Variants in WASF1 observed in about 807,000 individuals in gnomAD.
The protein encoded by WASF1 is WASP family member 1.
Under a neutral mutation model 50.5 loss-of-function variants are expected in WASF1, and 7 were observed. That is an observed-to-expected ratio of 0.14 (90% CI 0.08 to 0.26). The LOEUF (loss-of-function observed/expected upper bound fraction) is 0.26, where lower values mean the gene tolerates loss of function less well. Ranked by LOEUF, WASF1 falls within the 10% of genes least tolerant of loss-of-function variation. WASF1 has a pLI of 1.00. For synonymous variants in WASF1, 205 were observed against 244.0 expected, an observed-to-expected ratio of 0.84 and a Z score of 1.49; for missense variants, 470 against 694.7, an observed-to-expected ratio of 0.68 and a Z score of 3.64.
chr6:110,137,732 T>C (rs1306428638), intron 3 of WASF1, among the ~76,000 whole-genome samples: 1 of 152,134 alleles, frequency 6.6e-6, no homozygotes, highest in Non-Finnish European at 1.5e-5. Flanking sequence ...TGTCATAAGA[T>C]GGAATGTTAA....
chr6:110,112,763 G>A (rs1483699330), intron 5 of WASF1, among the ~76,000 whole-genome samples: 3 of 151,982 alleles, frequency 2.0e-5, no homozygotes, highest in African/African-American at 7.2e-5. Flanking sequence ...AGCCAGGCGT[G>A]GTGGCAGACA....
intron 3 of WASF1, among the ~76,000 whole-genome samples, chr6:110,139,278 G>A (rs1190273105): frequency 6.6e-6 from 1 of 152,216 alleles, no homozygotes; most frequent in Non-Finnish European, 1.5e-5. Flanking sequence ...CAAGAGCACG[G>A]GGATGGCCAG....
intron 3 of WASF1, among the ~76,000 whole-genome samples, chr6:110,139,859 A>C (rs78686449): frequency 0.066 from 9,964 of 150,334 alleles, 403 homozygotes; most frequent in African/African-American, 0.12. Flanking sequence ...GGATAACCCA[A>C]TAACTAATAA....
At chr6:110,158,297 G>C (rs1411831828) in intron 3 of WASF1, among the ~76,000 whole-genome samples, 1 of 81,126 alleles carries the variant, frequency 1.2e-5, no homozygotes, top group Non-Finnish European at 2.4e-5. Context: ...GAGTGTATGT[G>C]TCGAGGAATG....
chr6:110,137,116 A>G (rs754027274), intron 3 of WASF1, among the ~76,000 whole-genome samples: 1 of 152,164 alleles, frequency 6.6e-6, no homozygotes, highest in African/African-American at 2.4e-5. Flanking sequence ...AATAACTCAA[A>G]ATTTCTTAAT....
At chr6:110,177,351 G>A (rs1180779957) in intron 2 of WASF1, among the ~76,000 whole-genome samples, 3 of 151,812 alleles carry the variant, frequency 2.0e-5, no homozygotes, top group African/African-American at 7.3e-5. Flanking sequence ...TAACCTTTAT[G>A]TCTGCAATTA....
chr6:110,126,799 CT>C (rs1389033198), intron 4 of WASF1, among the ~76,000 whole-genome samples: 1 of 152,204 alleles, frequency 6.6e-6, no homozygotes, highest in Non-Finnish European at 1.5e-5. Flanking sequence ...CCAAGTTGCT[CT>C]ATTCTGTAAA....
intron 9 of WASF1, among the ~76,000 whole-genome samples, chr6:110,102,786 T>C (rs902484843): frequency 2.6e-5 from 4 of 151,960 alleles, no homozygotes; most frequent in African/African-American, 9.7e-5. Flanking sequence ...ATATCTCTAT[T>C]AGAAAATTTC....
At chr6:110,175,693 C>T (rs1177535900) in intron 2 of WASF1, among the ~76,000 whole-genome samples, 4 of 152,106 alleles carry the variant, frequency 2.6e-5, no homozygotes, top group African/African-American at 9.7e-5. Context: ...TTGTCATGCC[C>T]TAACTTCTTG....
At chr6:110,166,976 G>A (rs1398487190) in intron 2 of WASF1, among the ~76,000 whole-genome samples, 9 of 151,900 alleles carry the variant, frequency 5.9e-5, no homozygotes. Flanking sequence ...TGGAGTTGCA[G>A]TCATGAGTTT....
intron 3 of WASF1, among the ~76,000 whole-genome samples, chr6:110,158,523 A>AT (rs1190586112): frequency 7.6e-6 from 1 of 130,738 alleles, no homozygotes; most frequent in Non-Finnish European, 1.6e-5. Flanking sequence ...GGATTCATTG[A>AT]TTTTTTGAAG....
In WASF1 at chr6:110,113,599, T is replaced by C. The variant is rs1773666062; in HGVS notation, c.134-139A>G. On this transcript the variant is annotated intron_variant, in intron 4 of 10. Transcript: ENST00000392589. Reference sequence around the variant, plus strand: ...GAGATAAATAATGAACAATGTAATATTACAACTGGTGACCTGTTGAATTTG... The same window carrying C: ...GAGATAAATAATGAACAATGTAATACTACAACTGGTGACCTGTTGAATTTG... 17 of 763,018 alleles carry C rather than the reference T, an allele frequency of 2.2e-5. No individual in the cohort carries two copies. In the South Asian group the frequency reaches 3.5e-4, roughly 16 times the overall value. The allele number at this position is 763,018 out of a possible 1,614,324, so 47.3% of individuals were successfully genotyped here. A position where few individuals can be genotyped will look rare whatever the true frequency, so the allele number is the denominator to read the frequency against.
At chr6:110,117,560 G>A (rs1435010586) in intron 4 of WASF1, among the ~76,000 whole-genome samples, 1 of 152,176 alleles carries the variant, frequency 6.6e-6, no homozygotes, top group African/African-American at 2.4e-5. Flanking sequence ...AAGTGATGGG[G>A]AAAATGGAAC....
Position 110,102,070 on chromosome 6 carries a change from G to T in WASF1, c.1040C>A (p.Thr347Asn), listed in dbSNP as rs752751701. The change falls in exon 10 of 11, where the codon ACT becomes AAT. Residue 347 changes from threonine to asparagine, a missense_variant. By Grantham distance (65) the Thr-to-Asn change is moderately conservative (BLOSUM62 0). Around this residue, in one of 3 missense-constraint regions of WASF1, gnomAD observed 294 missense variants for 343.5 expected, o/e 0.86. Transcript: ENST00000392589. ...TSSLRASMTS[T>N]PPPPVPPPPP... is the part of the protein sequence containing the mutation. ...TGGGGGAGGTACTGGAGGGGGAGGAGTTGAAGTCATTGAAGCTCTTAATGA... is the reference window on the plus strand; with the variant it reads ...TGGGGGAGGTACTGGAGGGGGAGGATTTGAAGTCATTGAAGCTCTTAATGA... 1.3e-6 allele frequency: 2 copies of T among 1,514,532 alleles called. No individual in the cohort carries two copies. Among genetic ancestry groups the T allele is most frequent in the Middle Eastern group, 1.8e-4 (1 of 5,594 alleles). The allele number at this position is 1,514,532 out of a possible 1,614,324, so 93.8% of individuals were successfully genotyped here. A position where few individuals can be genotyped will look rare whatever the true frequency, so the allele number is the denominator to read the frequency against.
At chr6:110,150,437 G>C (rs545247516) in intron 3 of WASF1, among the ~76,000 whole-genome samples, 1 of 152,260 alleles carries the variant, frequency 6.6e-6, no homozygotes, top group East Asian at 1.9e-4. Context: ...CTAGCCACAA[G>C]TTGCTAAATT....
At chr6:110,151,681 A>G (rs1222429539) in intron 3 of WASF1, among the ~76,000 whole-genome samples, 3 of 152,202 alleles carry the variant, frequency 2.0e-5, no homozygotes, top group African/African-American at 7.2e-5. Flanking sequence ...TTTTGAGTGA[A>G]CTTAAAAAAC....
intron 8 of WASF1, among the ~76,000 whole-genome samples, 184 bp downstream of exon 8, chr6:110,105,223 A>G (rs571127336): frequency 6.6e-5 from 10 of 152,318 alleles, no homozygotes; most frequent in African/African-American, 2.4e-4. Context: ...AGGTCCAGGT[A>G]TGAAAATGAC....
intron 3 of WASF1, among the ~76,000 whole-genome samples, chr6:110,139,579 C>A (rs1775129194): frequency 6.6e-6 from 1 of 152,176 alleles, no homozygotes. Context: ...GATTCTGATT[C>A]TTTCAATTAT....
intron 3 of WASF1, among the ~76,000 whole-genome samples, chr6:110,130,998 C>T (rs975186152): frequency 1.4e-4 from 22 of 152,054 alleles, no homozygotes; most frequent in Admixed American, 1.4e-3. Context: ...TTGGGAAGTG[C>T]CTGTTCAATC....
Sources: allele counts gnomAD v4.1 joint callset (sites outside exome capture counted in the v4.1 genomes callset), GRCh38; gene constraint gnomAD v4.1.1; regional missense constraint gnomAD v4.1.1; transcripts MANE v1.5; gene names NCBI Gene and HGNC (gene_info 2026-07-23, HGNC 2026-07-21).